The following AP5S1 variants were observed in gnomAD, a reference collection of about 807,000 sequenced individuals.
AP5S1 encodes the protein adaptor related protein complex 5 subunit sigma 1.
In AP5S1, 13 loss-of-function variants were observed where a neutral mutation model predicts 13.9. That is an observed-to-expected ratio of 0.94 (90% confidence interval 0.61 to 1.49). The LOEUF is 1.49. Ranked by LOEUF, AP5S1 falls within the 40% of genes most tolerant of loss-of-function variation. The pLI is 0.00. For missense variants in AP5S1, 292 were observed against 272.3 expected (o/e 1.07, Z -0.51); for synonymous variants, 132 against 121.8 (o/e 1.08, Z -0.55).
Position 3,825,308 on chromosome 20 carries a change from T to C in AP5S1, c.*1011T>C, listed in dbSNP as rs1364974030. The C allele has an allele frequency of 2.0e-5, 3 of 152,286 alleles. No homozygotes were observed. The highest frequency in any genetic ancestry group is 6.5e-5 in the Admixed American group (1 of 15,282). 9.4% of individuals were successfully genotyped at this position (152,286 alleles called of 1,614,324 possible). A position where few individuals can be genotyped will look rare whatever the true frequency, so the allele number is the denominator to read the frequency against. On this transcript the variant is annotated 3_prime_UTR_variant, in exon 3 of 3. Transcript: ENST00000615891. Reference sequence around the variant, plus strand: ...GCACTGGCTGTGTGATTTTACCCTCTTTCTGTGAGTTTGATGCGTGCATCC... The same window carrying C: ...GCACTGGCTGTGTGATTTTACCCTCCTTCTGTGAGTTTGATGCGTGCATCC...
chr20:3,828,618 A>G lies in AP5S1; in HGVS notation c.*4321A>G, dbSNP rs1483818172. On this transcript the variant is annotated 3_prime_UTR_variant, in exon 3 of 3. Transcript: ENST00000615891. ...CAGAATGTTGTGTAGTTAGATTCAT[A>G]CTGTATATGTAGCCTTTTCAGATTG... 1 of 152,166 alleles carries G rather than the reference A, an allele frequency of 6.6e-6. No homozygotes were observed. The highest frequency in any genetic ancestry group is 1.9e-4 in the East Asian group (1 of 5,202). 9.4% of individuals were successfully genotyped at this position (152,166 alleles called of 1,614,324 possible).
At chr20:3,823,038 C>A (rs187789850) in intron 2 of AP5S1, among the ~76,000 whole-genome samples, 9 of 152,320 alleles carry the variant, frequency 5.9e-5, no homozygotes, top group Admixed American at 5.2e-4. Context: ...TATTCTCCTT[C>A]CCCTCCCTGT....
In AP5S1 at chr20:3,828,107, C is replaced by T. The variant is rs1477669902; in HGVS notation, c.*3810C>T. ...ATTATTCCTATATTTTATTGTAATGCAGTTAACCGTGTTTGTCAGATTCAA... is the reference window on the plus strand; with the variant it reads ...ATTATTCCTATATTTTATTGTAATGTAGTTAACCGTGTTTGTCAGATTCAA... On this transcript the variant is annotated 3_prime_UTR_variant, in exon 3 of 3. Coordinates refer to ENST00000615891, the MANE Select transcript of AP5S1 (RefSeq NM_018347.3). 6.6e-6 allele frequency: 1 copy of T among 152,172 alleles called. No individual in the cohort carries two copies. The highest frequency in any genetic ancestry group is 2.4e-5 in the African/African-American group (1 of 41,436). The allele number at this position is 152,172 out of a possible 1,614,324, so 9.4% of individuals were successfully genotyped here. A position where few individuals can be genotyped will look rare whatever the true frequency, so the allele number is the denominator to read the frequency against.
chr20:3,825,802 C>T lies in AP5S1; in HGVS notation c.*1505C>T, dbSNP rs1249974673. ...AGGTTGATCCCAGGGTGCATACATT[C>T]CCTGGCTCTTTCTGCCCCTGAGAAA... On this transcript the variant is annotated 3_prime_UTR_variant, in exon 3 of 3. Transcript: ENST00000615891. 3 of 151,984 alleles carry T rather than the reference C, an allele frequency of 2.0e-5. No homozygotes were observed. Among genetic ancestry groups the T allele is most frequent in the Non-Finnish European group, 2.9e-5 (2 of 68,016 alleles). 9.4% of individuals were successfully genotyped at this position (151,984 alleles called of 1,614,324 possible). A position where few individuals can be genotyped will look rare whatever the true frequency, so the allele number is the denominator to read the frequency against.
chr20:3,824,103 G>A lies in AP5S1; in HGVS notation c.409G>A (p.Gly137Ser). The A allele has an allele frequency of 6.2e-7, 1 of 1,613,982 alleles. No individual in the cohort carries two copies. Among genetic ancestry groups the A allele is most frequent in the South Asian group, 1.1e-5 (1 of 91,080 alleles). ...CCATGAGAACCTGCTACTGGCTGAG[G>A]GCACGCTCCGGCTGCTGACACGCCT... ...DAHENLLLAE[G>S]TLRLLTRLLL... The change falls in exon 3 of 3, where the codon GGC (glycine) becomes AGC (serine). Residue 137 changes from glycine to serine, a missense_variant. By Grantham distance (56) the Gly-to-Ser change is moderately conservative. Transcript: ENST00000615891.
At chr20:3,821,184 A>G (rs2146728626) in intron 1 of AP5S1, among the ~76,000 whole-genome samples, 1 of 152,222 alleles carries the variant, frequency 6.6e-6, no homozygotes, top group South Asian at 2.1e-4. Context: ...AGTTGCAGAT[A>G]TGAAATCCTG....
rs556282622 is a variant in AP5S1 at position 3,822,349 on chromosome 20, G to GTC, written c.176+57_176+58insCT. The GTC allele has an allele frequency of 6.3e-3, 9,766 of 1,553,332 alleles. 52 individuals carry two copies. Among genetic ancestry groups the GTC allele is most frequent in the Non-Finnish European group, 7.2e-3 (8,178 of 1,128,824 alleles). ...TTGAACACGTACCTGATTGTAATAG[G>GTC]TATTTTCGGGGAGTGGGGACGCAGA... On this transcript the variant is annotated intron_variant, in intron 2 of 2. Transcript: ENST00000615891.
chr20:3,822,830 G>A (rs191084885), intron 2 of AP5S1, among the ~76,000 whole-genome samples: 10 of 152,294 alleles, frequency 6.6e-5, no homozygotes, highest in Admixed American at 5.9e-4. Flanking sequence ...TGGTACATGA[G>A]GACTCCAGAA....
In AP5S1 at chr20:3,824,136, GACC is replaced by G. The variant is rs1380604974; in HGVS notation, c.446_448del (p.His149del). ...CCGGCTGCTGACACGCCTCCTCCTT[GACC>G]ACCTCCGGCTGCTGGCGCCCAGCAC... On this transcript the variant is annotated inframe_deletion, in exon 3 of 3. Transcript: ENST00000615891. 2 of 1,613,970 alleles carry G rather than the reference GACC, an allele frequency of 1.2e-6. No individual in the cohort carries two copies. The highest frequency in any genetic ancestry group is 2.7e-5 in the African/African-American group (2 of 75,076).
In AP5S1 at chr20:3,824,166, A is replaced by G; in HGVS notation, c.472A>G (p.Ser158Gly). ...DHLRLLAPST[S>G]LLLRADRIEG... is the part of the protein sequence containing the mutation. ...CCTCCGGCTGCTGGCGCCCAGCACC[A>G]GCCTTCTGCTGCGGGCTGACCGCAT... is the stretch of plus-strand genomic sequence containing the variant. The change falls in exon 3 of 3, where the codon AGC (serine) becomes GGC (glycine). Residue 158 changes from serine (S) to glycine (G), a missense_variant. By Grantham distance (56) the Ser-to-Gly change is moderately conservative. Coordinates refer to ENST00000615891, the MANE Select transcript of AP5S1 (RefSeq NM_018347.3). 6.2e-7 allele frequency: 1 copy of G among 1,614,092 alleles called. No homozygotes were observed. The highest frequency in any genetic ancestry group is 8.5e-7 in the Non-Finnish European group (1 of 1,180,034).
At chr20:3,823,646 TG>T in intron 2 of AP5S1, 1 of 985,416 alleles carries the variant, frequency 1.0e-6, no homozygotes, top group Non-Finnish European at 1.2e-6. Context: ...CCCAAGGAGC[TG>T]GGTTGAAAAC....
At chr20:3,821,076 G>C (rs1383010658) in intron 1 of AP5S1, among the ~76,000 whole-genome samples, 1 of 152,152 alleles carries the variant, frequency 6.6e-6, no homozygotes, top group Non-Finnish European at 1.5e-5. Context: ...GTATGCACTT[G>C]GATGAGATTC....
At chr20:3,822,422 C>A in intron 2 of AP5S1, 129 bp downstream of exon 2, 1 of 795,286 alleles carries the variant, frequency 1.3e-6, no homozygotes, top group Non-Finnish European at 2.0e-6. Flanking sequence ...AGTAGCATTT[C>A]CCAGAGAGTC....
rs779947784 is a variant in AP5S1 at position 3,824,349 on chromosome 20, C to T, written c.*52C>T. 6.5e-7 allele frequency: 1 copy of T among 1,539,506 alleles called. No individual in the cohort carries two copies. Among genetic ancestry groups the T allele is most frequent in the African/African-American group, 1.4e-5 (1 of 73,364 alleles). On this transcript the variant is annotated 3_prime_UTR_variant, in exon 3 of 3. Coordinates refer to ENST00000615891, the MANE Select transcript of AP5S1 (RefSeq NM_018347.3). ...GGCAGGCAGAGGGTAGACACACAGC[C>T]AGATGAAGCTTGGCATCTCCCTCCT...
At position 3,824,158 on chromosome 20, in the gene AP5S1, C is replaced by A; in HGVS notation, c.464C>A (p.Pro155His). Reference sequence around the variant, plus strand: ...CTTGACCACCTCCGGCTGCTGGCGCCCAGCACCAGCCTTCTGCTGCGGGCT... The same window carrying A: ...CTTGACCACCTCCGGCTGCTGGCGCACAGCACCAGCCTTCTGCTGCGGGCT... ...LLLDHLRLLA[P>H]STSLLLRADR... The change falls in exon 3 of 3, where the codon CCC becomes CAC. Residue 155 changes from proline to histidine, a missense_variant. Pro to His is a moderately conservative substitution (Grantham distance 77, BLOSUM62 -2). Transcript: ENST00000615891. 6.2e-7 allele frequency: 1 copy of A among 1,614,102 alleles called. No homozygotes were observed. Among genetic ancestry groups the A allele is most frequent in the South Asian group, 1.1e-5 (1 of 91,092 alleles).
At chr20:3,823,292 A>T (rs566824879) in intron 2 of AP5S1, among the ~76,000 whole-genome samples, 1 of 152,252 alleles carries the variant, frequency 6.6e-6, no homozygotes, top group East Asian at 1.9e-4. Context: ...TCTGTCGCCC[A>T]GGCTGGAGTG....
chr20:3,828,500 C>T lies in AP5S1; in HGVS notation c.*4203C>T, dbSNP rs927582644. The T allele has an allele frequency of 3.9e-5, 6 of 152,182 alleles. No individual in the cohort carries two copies. The highest frequency in any genetic ancestry group is 6.5e-5 in the Admixed American group (1 of 15,268). 9.4% of individuals were successfully genotyped at this position (152,182 alleles called of 1,614,324 possible). On this transcript the variant is annotated 3_prime_UTR_variant, in exon 3 of 3. Transcript: ENST00000615891. The stretch of plus-strand genomic sequence containing the variant: ...TATCATACAGAAGAGTTTCCCTGCC[C>T]GAACAGTCCTCTGCTGCACCTGTTC...
chr20:3,823,745 C>T, intron 2 of AP5S1, 126 bp from the exon 3 acceptor site: 1 of 1,492,198 alleles, frequency 6.7e-7, no homozygotes, highest in Non-Finnish European at 8.9e-7. Context: ...ATCACTTAGT[C>T]TCTCTAGGCC....
At chr20:3,821,952 G>T in intron 1 of AP5S1, 150 bp from the exon 2 acceptor site, 10 of 1,272,794 alleles carry the variant, frequency 7.9e-6, no homozygotes, top group Non-Finnish European at 7.0e-6. Context: ...ATTCTGTTAT[G>T]TGATGTTGTT....
Sources: gnomAD v4.1 joint callset for allele counts (sites outside exome capture counted in the v4.1 genomes callset) on GRCh38, gnomAD v4.1.1 for gene constraint, MANE v1.5 for transcripts, NCBI Gene and HGNC (gene_info 2026-07-23, HGNC 2026-07-21) for gene names.